AGBL1: variants seen among roughly 807,000 people sequenced by gnomAD.
The protein encoded by AGBL1 is AGBL carboxypeptidase 1, also known as cytosolic carboxypeptidase 4.
Under a neutral mutation model 118.9 loss-of-function variants are expected in AGBL1, and 130 were observed. That is an observed-to-expected ratio of 1.09 (90% CI 0.95 to 1.26). The LOEUF is 1.26. Among genes scored for constraint, AGBL1 ranks in the 50% most tolerant of loss-of-function variants. The pLI is 0.00. For synonymous variants in AGBL1, 555 were observed against 478.9 expected (o/e 1.16, Z -2.08); for missense variants, 1,584 against 1,298.1 (o/e 1.22, Z -3.38).
intron 5 of AGBL1, among the ~76,000 whole-genome samples, chr15:86,186,586 T>C (rs1012829481): frequency 4.6e-5 from 7 of 152,186 alleles, no homozygotes; most frequent in Non-Finnish European, 8.8e-5. Context: ...GTCAAAATGC[T>C]TGCTATGGGA....
At chr15:86,080,440 C>A (rs1429435875) in intron 1 of AGBL1, among the ~76,000 whole-genome samples, 1 of 152,136 alleles carries the variant, frequency 6.6e-6, no homozygotes, top group Non-Finnish European at 1.5e-5. Flanking sequence ...TGGGTATCTC[C>A]TGCTAAATGG....
At chr15:86,227,905 T>A (rs572536684) in intron 6 of AGBL1, among the ~76,000 whole-genome samples, 10 of 152,280 alleles carry the variant, frequency 6.6e-5, no homozygotes, top group Middle Eastern at 3.4e-3. Flanking sequence ...GAGTAGAAAG[T>A]CCAATGTGTG....
chr15:86,238,451 G>A (rs1283778275), intron 6 of AGBL1, among the ~76,000 whole-genome samples: 3 of 152,088 alleles, frequency 2.0e-5, no homozygotes, highest in South Asian at 2.1e-4. Flanking sequence ...CTGGCTTTCC[G>A]GACAAAGGCC....
At chr15:86,445,143 G>A (rs1567264177) in intron 18 of AGBL1, among the ~76,000 whole-genome samples, 1 of 152,130 alleles carries the variant, frequency 6.6e-6, no homozygotes, top group Non-Finnish European at 1.5e-5. Context: ...TCAGACAGGG[G>A]TCAAGAACAA....
intron 24 of AGBL1, chr15:86,988,273 A>G: frequency 1.6e-6 from 1 of 610,042 alleles, no homozygotes; most frequent in Non-Finnish European, 2.8e-6. Context: ...GGTTGCAACG[A>G]TTTACATTCA....
At chr15:86,143,891 G>A (rs1410436586) in intron 3 of AGBL1, 46 bp downstream of exon 3, 2 of 1,597,226 alleles carry the variant, frequency 1.3e-6, no homozygotes, top group Non-Finnish European at 1.7e-6. Flanking sequence ...GGCACTTCTA[G>A]GGTTGTTATC....
At chr15:86,239,771 G>A (rs2078612746) in intron 6 of AGBL1, among the ~76,000 whole-genome samples, 1 of 152,226 alleles carries the variant, frequency 6.6e-6, no homozygotes, top group Non-Finnish European at 1.5e-5. Flanking sequence ...ACCGCAGGCT[G>A]TATCTCCATT....
rs545593558 is a variant in AGBL1, at chr15:86,466,278, C to T, written c.2556-56532C>T. On this transcript the variant is annotated intron_variant, in intron 18 of 22. Transcript: ENST00000614907. ...TCTGATATTCTTTCTTCTGCTTCAT[C>T]GATTTGTCTATTGATACTTGCATAT... 4.6e-5 allele frequency among the ~76,000 whole-genome samples: 7 copies of T among 152,126 alleles called. No homozygotes were observed. The East Asian group carries it at 5.8e-4, about 13-fold the overall frequency.
At chr15:86,579,026 C>A (rs140948101) in intron 21 of AGBL1, among the ~76,000 whole-genome samples, 6 of 152,182 alleles carry the variant, frequency 3.9e-5, no homozygotes, top group Middle Eastern at 6.8e-3. Flanking sequence ...TATTGTTATA[C>A]CCAGCCTAGG....
At chr15:86,477,811 A>G (rs1320018648) in intron 18 of AGBL1, among the ~76,000 whole-genome samples, 1 of 152,240 alleles carries the variant, frequency 6.6e-6, no homozygotes, top group Non-Finnish European at 1.5e-5. Context: ...ATCCCTGATG[A>G]ACATTGATGC....
chr15:86,479,029 C>T (rs372534648), intron 18 of AGBL1, among the ~76,000 whole-genome samples: 11 of 152,060 alleles, frequency 7.2e-5, no homozygotes, highest in African/African-American at 2.2e-4. Flanking sequence ...TGGCTAGCCA[C>T]ATGTAGAAAG....
At chr15:86,556,060 A>G (rs2083729083) in intron 21 of AGBL1, among the ~76,000 whole-genome samples, 2 of 152,216 alleles carry the variant, frequency 1.3e-5, no homozygotes, top group African/African-American at 4.8e-5. Context: ...TGTGACTGTC[A>G]TTGAGTTTGT....
intron 21 of AGBL1, among the ~76,000 whole-genome samples, chr15:86,583,044 AT>A (rs767697508): frequency 3.3e-4 from 50 of 151,070 alleles, no homozygotes; most frequent in Admixed American, 8.6e-4. Context: ...ATTTTTTGAA[AT>A]TTTTTTTTTA....
At chr15:86,622,212 C>G (rs1454783019) in intron 21 of AGBL1, among the ~76,000 whole-genome samples, 1 of 151,922 alleles carries the variant, frequency 6.6e-6, no homozygotes, top group Non-Finnish European at 1.5e-5. Context: ...CACCTGTAAT[C>G]CCAGCTACTC....
At chr15:86,290,491 C>G (rs2079527499) in intron 16 of AGBL1, among the ~76,000 whole-genome samples, 1 of 151,340 alleles carries the variant, frequency 6.6e-6, no homozygotes, top group South Asian at 2.1e-4. Flanking sequence ...GCTGGGACCA[C>G]AGGTGTGCAC....
chr15:86,518,626 G>T (rs1275653311), intron 18 of AGBL1, among the ~76,000 whole-genome samples: 1 of 152,052 alleles, frequency 6.6e-6, no homozygotes, highest in Admixed American at 6.6e-5. Flanking sequence ...GGCTGCAAAT[G>T]CCTGAAAAGA....
intron 17 of AGBL1, among the ~76,000 whole-genome samples, chr15:86,353,187 C>G (rs369655561): frequency 7.9e-5 from 12 of 152,154 alleles, no homozygotes; most frequent in East Asian, 1.9e-4. Flanking sequence ...TGCAGAAAAG[C>G]TGAGTGAGGG....
chr15:86,262,609 A>G, intron 9 of AGBL1, 169 bp from the exon 10 acceptor site: 1 of 680,588 alleles, frequency 1.5e-6, no homozygotes. Context: ...TTTTTATTTT[A>G]AAAATACAAT....
At chr15:86,264,121 A>T in intron 10 of AGBL1, 137 bp from the exon 11 acceptor site, 1 of 714,478 alleles carries the variant, frequency 1.4e-6, no homozygotes, top group Non-Finnish European at 2.3e-6. Flanking sequence ...GTTAGTCTTT[A>T]GTTGACCTTG....
Sources: allele counts gnomAD v4.1 joint callset (sites outside exome capture counted in the v4.1 genomes callset), GRCh38; gene constraint gnomAD v4.1.1; transcripts MANE v1.5; gene names NCBI Gene and HGNC (gene_info 2026-07-23, HGNC 2026-07-21).